The following PCDHGA4 variants were observed in gnomAD, a reference collection of about 807,000 sequenced individuals.
The protein encoded by PCDHGA4 is protocadherin gamma subfamily A, 4.
PCDHGA4 carries 38 observed loss-of-function variants against 54.6 expected under a neutral mutation model. The ratio of observed to expected loss-of-function variants is 0.70; its 90% CI spans 0.54 to 0.91. The LOEUF is 0.91. Among genes scored for constraint, PCDHGA4 ranks in the 40% least tolerant of loss-of-function variants. The pLI is 0.00. For synonymous variants in PCDHGA4, 511 were observed against 512.9 expected (o/e 1.00, Z 0.05); for missense variants, 1,298 against 1,220.9 (o/e 1.06, Z -0.94).
intron 1 of PCDHGA4, among the ~76,000 whole-genome samples, chr5:141,435,478 C>A (rs1279447863): frequency 6.6e-6 from 1 of 152,146 alleles, no homozygotes; most frequent in Non-Finnish European, 1.5e-5. Flanking sequence ...TTAGACATTT[C>A]TTTTGCCCAT....
At chr5:141,393,583 C>A in intron 1 of PCDHGA4, 1 of 1,613,930 alleles carries the variant, frequency 6.2e-7, no homozygotes, top group Non-Finnish European at 8.5e-7. Context: ...AACATGCCCC[C>A]AGGCACGCGG....
At chr5:141,494,926 G>C in intron 2 of PCDHGA4, 61 bp downstream of exon 2, 2 of 1,613,498 alleles carry the variant, frequency 1.2e-6, no homozygotes, top group Non-Finnish European at 1.7e-6. Context: ...GGATGACGTG[G>C]GAGGAGATGG....
rs564226347 is a variant in PCDHGA4 at position 141,361,741 on chromosome 5, G to C, written c.2514+4120G>C. ...CTTCGAGCTCACACTGCAGGCCCGC[G>C]ACCAGGGCTCGCCCGCGCTCAGCGC... On this transcript the variant is annotated intron_variant, in intron 1 of 3. Coordinates refer to ENST00000571252, the MANE Select transcript of PCDHGA4 (RefSeq NM_018917.4). The C allele has an allele frequency of 2.5e-5, 40 of 1,613,146 alleles. No homozygotes were observed. The South Asian group carries it at 4.0e-4, about 16-fold the overall frequency.
intron 1 of PCDHGA4, chr5:141,362,191 G>C: frequency 6.2e-7 from 1 of 1,614,010 alleles, no homozygotes; most frequent in Non-Finnish European, 8.5e-7. Flanking sequence ...TGACCCCCAG[G>C]CAAAACTGCA....
chr5:141,453,559 C>T (rs2098769120), intron 1 of PCDHGA4, among the ~76,000 whole-genome samples: 1 of 152,126 alleles, frequency 6.6e-6, no homozygotes, highest in Non-Finnish European at 1.5e-5. Context: ...TGTAGATAAT[C>T]GATTTCATTA....
chr5:141,485,124 C>T lies in PCDHGA4; in HGVS notation c.2515-9683C>T. The T allele has an allele frequency of 7.2e-7, 1 of 1,390,146 alleles. No individual in the cohort carries two copies. The highest frequency in any genetic ancestry group is 1.0e-6 in the Non-Finnish European group (1 of 990,090). The allele number at this position is 1,390,146 out of a possible 1,614,324, so 86.1% of individuals were successfully genotyped here. ...GCTGCTGTGGCTGTTTGGGGCGGGT[C>T]GGCTTCATCCGCGTCTCAGGAGCAA... On this transcript the variant is annotated intron_variant, in intron 1 of 3. Coordinates refer to ENST00000571252, the MANE Select transcript of PCDHGA4 (RefSeq NM_018917.4). The surrounding 1 kb of genome is among the most constrained non-coding windows in gnomAD (Gnocchi z 5.7).
chr5:141,376,975 C>T (rs1216034593), intron 1 of PCDHGA4: 1 of 157,554 alleles, frequency 6.3e-6, no homozygotes, highest in African/African-American at 2.4e-5. Flanking sequence ...GCGTGAGCCA[C>T]CGCGCCCGGC....
At chr5:141,410,886 C>A in intron 1 of PCDHGA4, 1 of 290,056 alleles carries the variant, frequency 3.4e-6, no homozygotes, top group Non-Finnish European at 5.6e-6. Flanking sequence ...TGGAGTCTCG[C>A]ACTGTTGCCT....
chr5:141,401,353 AAGG>A (rs772220375), intron 1 of PCDHGA4, among the ~76,000 whole-genome samples: 7 of 152,166 alleles, frequency 4.6e-5, no homozygotes, highest in African/African-American at 7.2e-5. Flanking sequence ...AAAAAAAAGG[AAGG>A]AGAAGGAGAG....
In PCDHGA4 at chr5:141,477,125, A is replaced by G; in HGVS notation, c.2515-17682A>G. The G allele has an allele frequency of 2.5e-6, 4 of 1,614,212 alleles. No individual in the cohort carries two copies. The highest frequency in any genetic ancestry group is 3.4e-6 in the Non-Finnish European group (4 of 1,180,036). On this transcript the variant is annotated intron_variant, in intron 1 of 3. Transcript: ENST00000571252. This position sits in a 1 kb window ranked among gnomAD's most constrained non-coding sequence, Gnocchi z 4.9. ...CGCCAATCCCGAAGGAGCACATTGC[A>G]AAGTGTTGGTGGAGGTTGTGGATGT...
In PCDHGA4 at chr5:141,423,466, G is replaced by T. The variant is rs770939556; in HGVS notation, c.2514+65845G>T. On this transcript the variant is annotated intron_variant, in intron 1 of 3. Coordinates refer to ENST00000571252, the MANE Select transcript of PCDHGA4 (RefSeq NM_018917.4). Reference sequence around the variant, plus strand: ...GTCACATTTTGTAGGCGTGGACGGGGTACAGGCTTTCCTGCAAACCTATTC... The same window carrying T: ...GTCACATTTTGTAGGCGTGGACGGGTTACAGGCTTTCCTGCAAACCTATTC... 6 of 1,614,022 alleles carry T rather than the reference G, an allele frequency of 3.7e-6. No homozygotes were observed. In the Admixed American group the frequency reaches 5.0e-5, roughly 13 times the overall value.
chr5:141,375,054 G>C, intron 1 of PCDHGA4: 6 of 1,614,004 alleles, frequency 3.7e-6, no homozygotes, highest in South Asian at 1.1e-5. Context: ...GCCCGGGATG[G>C]GCCAGGTCTT....
intron 1 of PCDHGA4, chr5:141,390,221 C>T (rs764241687): frequency 5.8e-5 from 94 of 1,614,004 alleles, no homozygotes; most frequent in African/African-American, 2.0e-4. Context: ...ACATACTTTG[C>T]GGTGATTCAT....
At chr5:141,426,625 A>G (rs770683989) in intron 1 of PCDHGA4, 29 of 394,754 alleles carry the variant, frequency 7.3e-5, no homozygotes, top group South Asian at 7.2e-5. Context: ...AATCCTCTAA[A>G]TGTTTTTCAC....
Position 141,355,322 on chromosome 5 carries a change from A to G in PCDHGA4, c.215A>G (p.Glu72Gly). ...ILYSVFEEQE[E>G]GSVVGNIAKD... ...TACTCGGTGTTTGAGGAGCAGGAAG[A>G]AGGCTCAGTGGTGGGCAACATCGCC... Residue 72 changes from glutamate to glycine, a missense_variant, in exon 1 of 4, where the codon GAA becomes GGA. Physicochemically the swap from Glu to Gly is moderately conservative, Grantham distance 98. Transcript: ENST00000571252. 3 of 1,614,000 alleles carry G rather than the reference A, an allele frequency of 1.9e-6. No homozygotes were observed. Among genetic ancestry groups the G allele is most frequent in the Non-Finnish European group, 1.7e-6 (2 of 1,179,904 alleles).
intron 1 of PCDHGA4, chr5:141,371,391 G>A (rs1356149825): frequency 6.2e-7 from 1 of 1,614,004 alleles, no homozygotes; most frequent in Admixed American, 1.7e-5. Flanking sequence ...ATATTGTAAA[G>A]TACAGATAGA....
At chr5:141,414,890 C>T in intron 1 of PCDHGA4, 5 of 1,614,232 alleles carry the variant, frequency 3.1e-6, no homozygotes, top group Non-Finnish European at 4.2e-6. Context: ...CCCGCCCTCC[C>T]CACAGACGGT....
intron 1 of PCDHGA4, chr5:141,375,273 C>A (rs770340172): frequency 6.2e-7 from 1 of 1,613,854 alleles, no homozygotes; most frequent in South Asian, 1.1e-5. Flanking sequence ...TTGGAAAAAT[C>A]AGTTGGCAAT....
chr5:141,390,279 C>T (rs759949726), intron 1 of PCDHGA4: 18 of 1,613,880 alleles, frequency 1.1e-5, no homozygotes, highest in Non-Finnish European at 1.5e-5. Context: ...GACTTCCCAT[C>T]AGGTGAGTTT....
Sources: allele counts gnomAD v4.1 joint callset (sites outside exome capture counted in the v4.1 genomes callset), GRCh38; gene constraint gnomAD v4.1.1; non-coding constraint Gnocchi (gnomAD v3.1); transcripts MANE v1.5; gene names NCBI Gene and HGNC (gene_info 2026-07-23, HGNC 2026-07-21).